The following TBCEL variants were observed in gnomAD, a reference collection of about 807,000 sequenced individuals.
TBCEL encodes tubulin folding cofactor E like.
Under a neutral mutation model 44.2 loss-of-function variants are expected in TBCEL, and 15 were observed. That is an observed-to-expected ratio of 0.34 (90% CI 0.23 to 0.52). The LOEUF is 0.52. Among genes scored for constraint, TBCEL ranks in the 20% least tolerant of loss-of-function variants. The pLI is 0.95. For synonymous variants in TBCEL, 171 were observed against 185.4 expected (o/e 0.92, Z 0.63); for missense variants, 319 against 506.3 (o/e 0.63, Z 3.55).
Position 121,090,170 on chromosome 11 carries a change from G to A in TBCEL, c.*3074G>A, listed in dbSNP as rs1482033500. Reference sequence around the variant, plus strand: ...ATATAACTTGAGCTAGGTATAACAGGGCTGAATGCTACAGTGTTGTTTTTA... The same window carrying A: ...ATATAACTTGAGCTAGGTATAACAGAGCTGAATGCTACAGTGTTGTTTTTA... On this transcript the variant is annotated 3_prime_UTR_variant, in exon 9 of 9. Coordinates refer to ENST00000683345, the MANE Select transcript of TBCEL (RefSeq NM_001363644.2). 1 of 152,124 alleles carries A rather than the reference G, an allele frequency of 6.6e-6. No individual in the cohort carries two copies. Among genetic ancestry groups the A allele is most frequent in the African/African-American group, 2.4e-5 (1 of 41,420 alleles). 9.4% of individuals were successfully genotyped at this position (152,124 alleles called of 1,614,324 possible).
At chr11:121,032,279 T>G (rs1172047057) in intron 1 of TBCEL, among the ~76,000 whole-genome samples, 2 of 152,216 alleles carry the variant, frequency 1.3e-5, no homozygotes, top group Non-Finnish European at 2.9e-5. Flanking sequence ...CTCTGTTTCA[T>G]TGGTCTATTT....
Position 121,087,987 on chromosome 11 carries a change from T to C in TBCEL, c.*891T>C, listed in dbSNP as rs1946243176. 1 of 152,224 alleles carries C rather than the reference T, an allele frequency of 6.6e-6. No homozygotes were observed. The highest frequency in any genetic ancestry group is 2.4e-5 in the African/African-American group (1 of 41,456). 9.4% of individuals were successfully genotyped at this position (152,224 alleles called of 1,614,324 possible). Reference sequence around the variant, plus strand: ...CTCATATCTTTCTTTTTCATTACTTTAAACTATTGGGAATTGAGGCCTGAC... The same window carrying C: ...CTCATATCTTTCTTTTTCATTACTTCAAACTATTGGGAATTGAGGCCTGAC... On this transcript the variant is annotated 3_prime_UTR_variant, in exon 9 of 9. Transcript: ENST00000683345.
In TBCEL at chr11:121,046,327, A is replaced by G. The variant is rs532436258; in HGVS notation, c.133+504A>G. Among the ~76,000 whole-genome samples the G allele has an allele frequency of 5.3e-5, 8 of 152,248 alleles. No individual in the cohort carries two copies. In the South Asian group the frequency reaches 1.7e-3, roughly 32 times the overall value. ...AATGTAGAATTTGGTTAGAGATGAG[A>G]TACATTCTAGGAGAGGGATTAGATG... On this transcript the variant is annotated intron_variant, in intron 3 of 8. Transcript: ENST00000683345.
chr11:121,073,535 T>C (rs1190443793), intron 8 of TBCEL, among the ~76,000 whole-genome samples: 1 of 151,926 alleles, frequency 6.6e-6, no homozygotes, highest in African/African-American at 2.4e-5. Context: ...TTCATTTTCT[T>C]TTGGATTTCT....
At chr11:121,082,244 C>T (rs1217663342) in intron 8 of TBCEL, among the ~76,000 whole-genome samples, 1 of 152,184 alleles carries the variant, frequency 6.6e-6, no homozygotes, top group Non-Finnish European at 1.5e-5. Context: ...CTCACAAGGC[C>T]AAAATCAATG....
chr11:121,043,325 G>A (rs1945368381), intron 2 of TBCEL, among the ~76,000 whole-genome samples: 2 of 152,108 alleles, frequency 1.3e-5, no homozygotes, highest in South Asian at 4.1e-4. Context: ...GGATTACACA[G>A]TTCCACTACC....
At chr11:121,043,105 C>A (rs960472909) in intron 2 of TBCEL, among the ~76,000 whole-genome samples, 7 of 152,170 alleles carry the variant, frequency 4.6e-5, no homozygotes, top group African/African-American at 1.7e-4. Context: ...TAGTTGAAGA[C>A]ACTTGAGATA....
intron 1 of TBCEL, among the ~76,000 whole-genome samples, chr11:121,032,541 G>A (rs116893588): frequency 1.1e-4 from 16 of 152,156 alleles, no homozygotes; most frequent in Admixed American, 7.9e-4. Flanking sequence ...TGAATTAACT[G>A]CAAACAGCCC....
In TBCEL at chr11:121,087,953, A is replaced by G. The variant is rs1946242715; in HGVS notation, c.*857A>G. 1 of 152,176 alleles carries G rather than the reference A, an allele frequency of 6.6e-6. No homozygotes were observed. 9.4% of individuals were successfully genotyped at this position (152,176 alleles called of 1,614,324 possible). A position where few individuals can be genotyped will look rare whatever the true frequency, so the allele number is the denominator to read the frequency against. ...GAGTTCTTTTATTTTTGCTTATTGA[A>G]TGTATTTCCTCATATCTTTCTTTTT... On this transcript the variant is annotated 3_prime_UTR_variant, in exon 9 of 9. Transcript: ENST00000683345.
At chr11:121,045,180 C>G (rs1210495282) in intron 2 of TBCEL, among the ~76,000 whole-genome samples, 5 of 152,098 alleles carry the variant, frequency 3.3e-5, no homozygotes, top group African/African-American at 9.7e-5. Context: ...AGCCCATGAG[C>G]TAGAACTTAG....
At chr11:121,075,249 T>C (rs967329671) in intron 8 of TBCEL, among the ~76,000 whole-genome samples, 1 of 151,904 alleles carries the variant, frequency 6.6e-6, no homozygotes, top group African/African-American at 2.4e-5. Flanking sequence ...AAAACAAATA[T>C]ACTTTCCTGA....
chr11:121,052,634 T>C (rs1043481187), intron 4 of TBCEL, among the ~76,000 whole-genome samples: 12 of 151,920 alleles, frequency 7.9e-5, no homozygotes, highest in Admixed American at 7.9e-4. Context: ...TTCTCGCAGA[T>C]TGTGCCAACT....
Position 121,054,952 on chromosome 11 carries a change from A to G in TBCEL, c.456-100A>G, listed in dbSNP as rs980319553. The G allele has an allele frequency of 4.0e-6, 5 of 1,234,570 alleles. No individual in the cohort carries two copies. In the African/African-American group the frequency reaches 4.6e-5, roughly 11 times the overall value. The allele number at this position is 1,234,570 out of a possible 1,614,324, so 76.5% of individuals were successfully genotyped here. ...TCCACAATTCCTAGCAGAGTCTCAC[A>G]TATAGTAGGCACTTACTTATTTATT... is the stretch of plus-strand genomic sequence containing the variant. On this transcript the variant is annotated intron_variant, in intron 5 of 8. Coordinates refer to ENST00000683345, the MANE Select transcript of TBCEL (RefSeq NM_001363644.2).
chr11:121,042,315 T>G (rs1375661956), intron 2 of TBCEL, among the ~76,000 whole-genome samples: 1 of 152,168 alleles, frequency 6.6e-6, no homozygotes, highest in Non-Finnish European at 1.5e-5. Context: ...ACAGGTTTTT[T>G]TGGTAATAGC....
Position 121,058,373 on chromosome 11 carries a change from A to G in TBCEL, c.741A>G (p.Lys247=), listed in dbSNP as rs2134957972. 6.2e-7 allele frequency: 1 copy of G among 1,611,758 alleles called. No homozygotes were observed. Among genetic ancestry groups the G allele is most frequent in the South Asian group, 1.1e-5 (1 of 91,026 alleles). The part of the protein sequence containing the change: ...SGLQSWEDID[K]LNSFPKLEEV... ...TGCAGTCCTGGGAAGACATTGATAA[A>G]CTAAATTCATTTCCCAAACTGGAAG... The change falls in exon 7 of 9, where the codon AAA becomes AAG. Residue 247 remains lysine, a synonymous_variant. Coordinates refer to ENST00000683345, the MANE Select transcript of TBCEL (RefSeq NM_001363644.2).
At chr11:121,069,462 A>G (rs1002177188) in intron 8 of TBCEL, among the ~76,000 whole-genome samples, 3 of 152,176 alleles carry the variant, frequency 2.0e-5, no homozygotes, top group African/African-American at 7.2e-5. Context: ...CTTTATGTGC[A>G]GTGAACTACA....
rs1444868752 is a variant in TBCEL at position 121,058,247 on chromosome 11, A to G, written c.713-98A>G. The stretch of plus-strand genomic sequence containing the variant: ...CCGTTTAGTTTATGATCATTTTAAC[A>G]TTTCAGAAGTTACTAATTGAGCTAA... On this transcript the variant is annotated intron_variant, in intron 6 of 8. Coordinates refer to ENST00000683345, the MANE Select transcript of TBCEL (RefSeq NM_001363644.2). The G allele has an allele frequency of 8.0e-5, 110 of 1,368,544 alleles. No individual in the cohort carries two copies. In the South Asian group the frequency reaches 1.4e-3, roughly 17 times the overall value. The allele number at this position is 1,368,544 out of a possible 1,614,324, so 84.8% of individuals were successfully genotyped here. A position where few individuals can be genotyped will look rare whatever the true frequency, so the allele number is the denominator to read the frequency against.
chr11:121,035,370 A>G (rs1038968122), intron 1 of TBCEL: 1 of 151,962 alleles, frequency 6.6e-6, no homozygotes, highest in Non-Finnish European at 1.5e-5. Flanking sequence ...TTACATACCC[A>G]GGGCGTTTAG....
At position 121,029,079 on chromosome 11, in the gene TBCEL, G is replaced by C. The variant is rs75009261; in HGVS notation, c.-126+4788G>C. Among the ~76,000 whole-genome samples, 1,474 of 152,098 alleles carry C rather than the reference G, an allele frequency of 9.7e-3. 10 individuals carry two copies. The highest frequency in any genetic ancestry group is 0.019 in the African/African-American group (777 of 41,476). On this transcript the variant is annotated intron_variant, in intron 1 of 8. Transcript: ENST00000683345. ...TTTATTTTGCATTTCTCACTCATTT[G>C]TGTTTGTGCAGATGCTTTCCCCTTC...
Sources: allele counts gnomAD v4.1 joint callset (sites outside exome capture counted in the v4.1 genomes callset), GRCh38; gene constraint gnomAD v4.1.1; transcripts MANE v1.5; gene names NCBI Gene and HGNC (gene_info 2026-07-23, HGNC 2026-07-21).